ADGRL2: variants seen among roughly 807,000 people sequenced by gnomAD.
ADGRL2 encodes calcium-independent alpha-latrotoxin receptor 2.
In ADGRL2, 44 loss-of-function variants were observed where a neutral mutation model predicts 157.4. The ratio of observed to expected loss-of-function variants is 0.28; its 90% confidence interval spans 0.22 to 0.36. ADGRL2 has a LOEUF of 0.36. Among genes scored for constraint, ADGRL2 ranks in the 10% least tolerant of loss-of-function variants. ADGRL2 has a pLI of 1.00. For synonymous variants in ADGRL2, 585 were observed against 624.7 expected, an observed-to-expected ratio of 0.94 and a Z score of 0.95; for missense variants, 1,510 against 1,768.9, an observed-to-expected ratio of 0.85 and a Z score of 2.63.
chr1:81,365,537 AT>A (rs1312672974), intron 1 of ADGRL2, among the ~76,000 whole-genome samples: 14 of 152,200 alleles, frequency 9.2e-5, no homozygotes, highest in Non-Finnish European at 2.1e-4. Flanking sequence ...ACTTAAAAAA[AT>A]AAAGTGTGTT....
intron 3 of ADGRL2, among the ~76,000 whole-genome samples, chr1:81,663,696 G>T (rs1434589864): frequency 6.6e-6 from 1 of 152,264 alleles, no homozygotes; most frequent in South Asian, 2.1e-4. Flanking sequence ...ATGAGCAGGT[G>T]GTGACCATTG....
intron 2 of ADGRL2, among the ~76,000 whole-genome samples, chr1:81,507,325 G>A (rs1317297148): frequency 6.6e-6 from 1 of 152,088 alleles, no homozygotes. Flanking sequence ...CTACAAGGCG[G>A]CACTAGCATT....
At chr1:81,681,101 A>G (rs1158214810) in intron 3 of ADGRL2, among the ~76,000 whole-genome samples, 1 of 152,238 alleles carries the variant, frequency 6.6e-6, no homozygotes, top group Non-Finnish European at 1.5e-5. Flanking sequence ...TGACCTGGAA[A>G]TGAAGCAGAG....
At chr1:81,887,276 G>A (rs1340348031) in intron 2 of ADGRL2, among the ~76,000 whole-genome samples, 1 of 152,146 alleles carries the variant, frequency 6.6e-6, no homozygotes, top group East Asian at 1.9e-4. Context: ...TCTACATAGT[G>A]CCTAACATGA....
At chr1:81,396,937 T>C (rs1192514286) in intron 1 of ADGRL2, among the ~76,000 whole-genome samples, 1 of 152,198 alleles carries the variant, frequency 6.6e-6, no homozygotes, top group Non-Finnish European at 1.5e-5. Flanking sequence ...TCTAATGTTC[T>C]CTGATTGTTG....
chr1:81,661,485 A>G (rs2082649295), intron 3 of ADGRL2, among the ~76,000 whole-genome samples: 1 of 152,222 alleles, frequency 6.6e-6, no homozygotes, highest in Admixed American at 6.5e-5. Context: ...TAAATATGTC[A>G]TTTAAACTAT....
intron 1 of ADGRL2, among the ~76,000 whole-genome samples, chr1:81,313,759 G>T (rs944277638): frequency 4.6e-5 from 7 of 152,092 alleles, no homozygotes; most frequent in Non-Finnish European, 4.4e-5. Flanking sequence ...AATCAAGAGG[G>T]TATTTCACAG....
chr1:81,802,302 C>T (rs2088330848), intron 1 of ADGRL2, among the ~76,000 whole-genome samples: 1 of 152,024 alleles, frequency 6.6e-6, no homozygotes, highest in Non-Finnish European at 1.5e-5. Flanking sequence ...CGCCTCCAGT[C>T]CGGGGGTGGA....
At chr1:81,311,221 C>T (rs1001309676) in intron 1 of ADGRL2, among the ~76,000 whole-genome samples, 2 of 152,044 alleles carry the variant, frequency 1.3e-5, no homozygotes, top group Admixed American at 6.6e-5. Flanking sequence ...ATAAGATGTA[C>T]CAGGATTAGA....
At chr1:81,821,461 A>G (rs2090982375) in intron 1 of ADGRL2, among the ~76,000 whole-genome samples, 1 of 152,122 alleles carries the variant, frequency 6.6e-6, no homozygotes, top group Non-Finnish European at 1.5e-5. Flanking sequence ...TGGTGAAATG[A>G]TAGTTTTTCT....
At position 81,990,680 on chromosome 1, in the gene ADGRL2, T is replaced by G; in HGVS notation, c.3945T>G (p.Ala1315=). Residue 1315 remains alanine, a synonymous_variant, in exon 24 of 24, where the codon GCT becomes GCG. Transcript: ENST00000686636. The part of the protein sequence containing the change: ...SSEDDAIVAD[A]SSLMHSDNPG... The stretch of plus-strand genomic sequence containing the variant: ...AAGATGATGCTATTGTGGCAGATGC[T>G]TCATCTTTAATGCACAGCGACAACC... 1.2e-6 allele frequency: 2 copies of G among 1,614,150 alleles called. No individual in the cohort carries two copies. The highest frequency in any genetic ancestry group is 1.7e-6 in the Non-Finnish European group (2 of 1,180,020).
chr1:81,393,508 C>T (rs899299884), intron 1 of ADGRL2, among the ~76,000 whole-genome samples: 4 of 152,172 alleles, frequency 2.6e-5, no homozygotes, highest in Non-Finnish European at 4.4e-5. Context: ...CCTGTGCCAG[C>T]TTAACTTTCT....
chr1:81,461,299 T>G (rs1443902101), intron 2 of ADGRL2, among the ~76,000 whole-genome samples: 2 of 151,846 alleles, frequency 1.3e-5, no homozygotes, highest in African/African-American at 4.8e-5. Flanking sequence ...TTTCCTTTGG[T>G]TTTGGCCTTT....
intron 3 of ADGRL2, among the ~76,000 whole-genome samples, chr1:81,586,942 G>A (rs910890670): frequency 1.3e-5 from 2 of 152,050 alleles, no homozygotes; most frequent in African/African-American, 4.8e-5. Flanking sequence ...TATAATTCAA[G>A]CAGTGATGGA....
At chr1:81,868,779 A>G (rs2150960978) in intron 2 of ADGRL2, among the ~76,000 whole-genome samples, 2 of 151,866 alleles carry the variant, frequency 1.3e-5, no homozygotes, top group South Asian at 4.2e-4. Flanking sequence ...TATCTATTTT[A>G]CATCTTTTTT....
rs185201006 is a variant in ADGRL2, at chr1:81,464,828, A to G, written c.-248+19739A>G. On this transcript the variant is annotated intron_variant, in intron 2 of 24. Coordinates refer to the ADGRL2 transcript ENST00000370721. ...GGCATATAATTACTGCCTAGTAAATAGTTTCTTTTGCAATATCCGTGATAT... is the reference window on the plus strand; with the variant it reads ...GGCATATAATTACTGCCTAGTAAATGGTTTCTTTTGCAATATCCGTGATAT... Among the ~76,000 whole-genome samples the G allele has an allele frequency of 2.1e-3, 319 of 151,696 alleles. 1 individual carries two copies. Among genetic ancestry groups the G allele is most frequent in the Admixed American group, 3.5e-3 (53 of 15,202 alleles).
Position 81,669,936 on chromosome 1 carries a change from A to G in ADGRL2, c.-143+88956A>G, listed in dbSNP as rs1468065735. 8.6e-5 allele frequency among the ~76,000 whole-genome samples: 11 copies of G among 127,442 alleles called. No individual in the cohort carries two copies. The East Asian group carries it at 2.4e-3, about 28-fold the overall frequency. 83.6% of individuals were successfully genotyped at this position (127,442 alleles called of 152,430 possible). The stretch of plus-strand genomic sequence containing the variant: ...CCAGCCTGGGTGACAGAGTGAGACT[A>G]CGTCTCAAAAAAAAAAAAAAAAAAA... On this transcript the variant is annotated intron_variant, in intron 3 of 24. Transcript: ENST00000370721.
chr1:81,648,720 G>A (rs1039643822), intron 3 of ADGRL2, among the ~76,000 whole-genome samples: 1 of 152,136 alleles, frequency 6.6e-6, no homozygotes, highest in Non-Finnish European at 1.5e-5. Flanking sequence ...TGACATTTCT[G>A]TAAAGCCTCA....
chr1:81,638,676 C>A (rs79217836), intron 3 of ADGRL2, among the ~76,000 whole-genome samples: 1 of 152,092 alleles, frequency 6.6e-6, no homozygotes, highest in Middle Eastern at 3.4e-3. Flanking sequence ...ACTTTAAAAA[C>A]AAGTATAACT....
Sources: allele counts gnomAD v4.1 joint callset (sites outside exome capture counted in the v4.1 genomes callset), GRCh38; gene constraint gnomAD v4.1.1; transcripts MANE v1.5; gene names NCBI Gene and HGNC (gene_info 2026-07-23, HGNC 2026-07-21).